ZNF277: variants seen among roughly 807,000 people sequenced by gnomAD.
ZNF277 encodes nuclear receptor-interacting factor 4.
A neutral mutation model predicts 60.7 loss-of-function variants in ZNF277; 55 were observed. That is an observed-to-expected ratio of 0.91 (90% confidence interval 0.73 to 1.13). The LOEUF (loss-of-function observed/expected upper bound fraction) is 1.13, where lower values mean the gene tolerates loss of function less well. Among genes scored for constraint, ZNF277 ranks in the 50% most tolerant of loss-of-function variants. ZNF277 has a pLI of 0.00. For synonymous variants in ZNF277, 178 were observed against 179.3 expected, an observed-to-expected ratio of 0.99 and a Z score of 0.06; for missense variants, 510 against 523.0, an observed-to-expected ratio of 0.98 and a Z score of 0.24.
At chr7:112,339,942 G>A (rs113342956) in intron 10 of ZNF277, 57 bp downstream of exon 10, 34 of 1,497,554 alleles carry the variant, frequency 2.3e-5, no homozygotes, top group African/African-American at 1.6e-4. Context: ...AAACCATCCT[G>A]TAAGCTATGC....
At chr7:112,298,470 G>C (rs1179187426) in intron 4 of ZNF277, among the ~76,000 whole-genome samples, 1 of 152,202 alleles carries the variant, frequency 6.6e-6, no homozygotes, top group Non-Finnish European at 1.5e-5. Flanking sequence ...TTTTTATGGG[G>C]AGGAGTATGA....
chr7:112,290,476 G>A (rs1352407544), intron 2 of ZNF277, among the ~76,000 whole-genome samples: 3 of 152,116 alleles, frequency 2.0e-5, no homozygotes, highest in Non-Finnish European at 4.4e-5. Flanking sequence ...TCTAAATGCA[G>A]ATATACAATA....
In ZNF277 at chr7:112,321,927, T is replaced by C. The variant is rs568117380; in HGVS notation, c.557+3654T>C. Among the ~76,000 whole-genome samples, 25 of 152,254 alleles carry C rather than the reference T, an allele frequency of 1.6e-4. No homozygotes were observed. In the South Asian group the frequency reaches 5.0e-3, roughly 30 times the overall value. The stretch of plus-strand genomic sequence containing the variant: ...AAGAGACTCTCTTCATCTTTGCCTG[T>C]TGACAGTTTACGTGTTGGTAAGGAT... On this transcript the variant is annotated intron_variant, in intron 5 of 11. Coordinates refer to ENST00000361822, the MANE Select transcript of ZNF277 (RefSeq NM_021994.3).
chr7:112,298,604 A>T (rs955100459), intron 4 of ZNF277, among the ~76,000 whole-genome samples: 1 of 152,182 alleles, frequency 6.6e-6, no homozygotes, highest in East Asian at 1.9e-4. Context: ...TGAAGAAAAG[A>T]GTAAATGTAG....
chr7:112,244,501 A>T (rs1291678493), intron 1 of ZNF277, among the ~76,000 whole-genome samples: 1 of 152,160 alleles, frequency 6.6e-6, no homozygotes, highest in South Asian at 2.1e-4. Flanking sequence ...TATCTTCACT[A>T]AAGCAGACCC....
chr7:112,333,431 G>A (rs530264118), intron 7 of ZNF277, among the ~76,000 whole-genome samples: 13 of 152,264 alleles, frequency 8.5e-5, no homozygotes, highest in African/African-American at 3.1e-4. Context: ...ACGTTAGTTT[G>A]AACCCTTTGT....
intron 1 of ZNF277, among the ~76,000 whole-genome samples, chr7:112,222,659 A>T (rs1428730701): frequency 6.6e-6 from 1 of 151,662 alleles, no homozygotes; most frequent in Non-Finnish European, 1.5e-5. Flanking sequence ...CCTTTCTATT[A>T]TTTTTCTAGT....
intron 1 of ZNF277, among the ~76,000 whole-genome samples, chr7:112,272,290 C>T (rs1791688297): frequency 6.6e-6 from 1 of 152,156 alleles, no homozygotes; most frequent in Admixed American, 6.5e-5. Context: ...CAGAATAGTA[C>T]TCTACTGTGT....
Position 112,286,919 on chromosome 7 carries a change from A to G in ZNF277, c.138A>G (p.Pro46=). Residue 46 remains proline, a synonymous_variant, in exon 2 of 12, where the codon CCA becomes CCG. Transcript: ENST00000361822. ...ILEPLSLPES[P]GGTTTLEGSP... is the part of the protein sequence containing the mutation. ...AGCCGCTTTCCCTGCCAGAAAGTCC[A>G]GGTGGCACCACCACTTTAGAAGGTT... The G allele has an allele frequency of 6.2e-7, 1 of 1,606,726 alleles. No homozygotes were observed. Among genetic ancestry groups the G allele is most frequent in the South Asian group, 1.1e-5 (1 of 90,878 alleles).
rs114371504 is a variant in ZNF277, at chr7:112,295,907, C to A, written c.332C>A (p.Pro111His). Residue 111 changes from proline (P) to histidine (H), a missense_variant, in exon 3 of 12, where the codon CCC becomes CAC. Pro to His is a moderately conservative substitution (Grantham distance 77). Transcript: ENST00000361822. ...TGGAGGAAAAGGTTCACTGAACAGC[C>A]CATCACAGATTTTTGTAGTGTAATA... ...LYWRKRFTEQ[P>H]ITDFCSVIRI... The A allele has an allele frequency of 8.3e-5, 134 of 1,612,924 alleles. No individual in the cohort carries two copies. In the African/African-American group the frequency reaches 1.5e-3, roughly 18 times the overall value.
At chr7:112,271,173 T>C (rs1182428559) in intron 1 of ZNF277, among the ~76,000 whole-genome samples, 1 of 152,200 alleles carries the variant, frequency 6.6e-6, no homozygotes, top group Non-Finnish European at 1.5e-5. Context: ...TTGCAACATG[T>C]ACCATTTATG....
intron 7 of ZNF277, 51 bp from the exon 8 acceptor site, chr7:112,336,053 C>T: frequency 6.8e-7 from 1 of 1,481,194 alleles, no homozygotes. Flanking sequence ...TACATACTCT[C>T]TCCCTTCTCT....
rs143117519 is a variant in ZNF277 at position 112,327,537 on chromosome 7, T to A, written c.558-180T>A. On this transcript the variant is annotated intron_variant, in intron 5 of 11. Coordinates refer to ENST00000361822, the MANE Select transcript of ZNF277 (RefSeq NM_021994.3). The stretch of plus-strand genomic sequence containing the variant: ...CTTTGGTATCCCTTTACAGAACTGA[T>A]GTGACTGTGTACACTTACATACTTT... Among the ~76,000 whole-genome samples the A allele has an allele frequency of 5.7e-4, 87 of 152,356 alleles. 2 individuals are homozygous for A. Among genetic ancestry groups the A allele is most frequent in the African/African-American group, 2.0e-3 (84 of 41,588 alleles).
chr7:112,337,868 A>G (rs1206748902), intron 9 of ZNF277, 42 bp downstream of exon 9: 3 of 1,525,148 alleles, frequency 2.0e-6, no homozygotes, highest in Non-Finnish European at 2.7e-6. Flanking sequence ...TTATTCTGAC[A>G]GGGGAAAGCT....
intron 1 of ZNF277, among the ~76,000 whole-genome samples, chr7:112,276,017 A>G (rs1359039215): frequency 6.6e-6 from 1 of 152,226 alleles, no homozygotes; most frequent in East Asian, 1.9e-4. Flanking sequence ...TGTATTGTCA[A>G]CCATGTAATT....
intron 7 of ZNF277, among the ~76,000 whole-genome samples, chr7:112,334,084 T>G (rs927329185): frequency 2.0e-5 from 3 of 152,236 alleles, no homozygotes; most frequent in Non-Finnish European, 2.9e-5. Context: ...TTTTAACTGA[T>G]TTTTCATAGT....
chr7:112,249,352 G>A (rs560525678), intron 1 of ZNF277, among the ~76,000 whole-genome samples: 1 of 152,078 alleles, frequency 6.6e-6, no homozygotes, highest in Admixed American at 6.6e-5. Flanking sequence ...CTCAAAATTA[G>A]GGGTTCCCTC....
At chr7:112,263,011 T>A (rs1209892304) in intron 1 of ZNF277, among the ~76,000 whole-genome samples, 1 of 152,216 alleles carries the variant, frequency 6.6e-6, no homozygotes, top group East Asian at 1.9e-4. Context: ...TATAATGAGC[T>A]TGGGCTCTGG....
At chr7:112,287,424 A>C (rs1459897107) in intron 2 of ZNF277, 1 of 169,182 alleles carries the variant, frequency 5.9e-6, no homozygotes, top group Non-Finnish European at 1.3e-5. Flanking sequence ...GACATAATCT[A>C]TATATAAAAT....
Sources: gnomAD v4.1 joint callset for allele counts (sites outside exome capture counted in the v4.1 genomes callset) on GRCh38, gnomAD v4.1.1 for gene constraint, MANE v1.5 for transcripts, NCBI Gene and HGNC (gene_info 2026-07-23, HGNC 2026-07-21) for gene names.